ADGRV1: variants seen among roughly 807,000 people sequenced by gnomAD.
ADGRV1 encodes the protein G-protein coupled receptor 98.
A neutral mutation model predicts 596.2 loss-of-function variants in ADGRV1; 359 were observed. That is an observed-to-expected ratio of 0.60 (90% CI 0.55 to 0.66). The LOEUF (loss-of-function observed/expected upper bound fraction) is 0.66, where lower values mean the gene tolerates loss of function less well. Ranked by LOEUF, ADGRV1 falls within the 30% of genes least tolerant of loss-of-function variation. ADGRV1 has a pLI of 0.00. For missense variants in ADGRV1, 7,274 were observed against 7,575.6 expected (o/e 0.96, Z 1.48); for synonymous variants, 2,681 against 2,679.2 (o/e 1.00, Z -0.02).
At chr5:91,032,907 T>C (rs1486448891) in intron 85 of ADGRV1, among the ~76,000 whole-genome samples, 17 of 152,234 alleles carry the variant, frequency 1.1e-4, no homozygotes, top group Admixed American at 1.1e-3. Flanking sequence ...CTTTCTGTTC[T>C]GCTGTGGCAT....
chr5:90,694,396 T>C lies in ADGRV1; in HGVS notation c.7640T>C (p.Leu2547Pro), dbSNP rs1322659485. 6.2e-7 allele frequency: 1 copy of C among 1,614,008 alleles called. No homozygotes were observed. Among genetic ancestry groups the C allele is most frequent in the South Asian group, 1.1e-5 (1 of 91,084 alleles). The part of the protein sequence containing the change: ...SFLISLLEVH[L>P]MNISASLKNQ... ...CTAATTTCTCTCCTTGAAGTTCACC[T>C]CATGAACATTTCAGCCAGTTTGAAA... Residue 2547 changes from leucine to proline, a missense_variant, in exon 33 of 90, where the codon CTC becomes CCC. Leu to Pro is a moderately conservative substitution (Grantham distance 98). Coordinates refer to ENST00000405460, the MANE Select transcript of ADGRV1 (RefSeq NM_032119.4).
intron 64 of ADGRV1, chr5:90,781,072 A>C: frequency 4.1e-6 from 1 of 244,394 alleles, no homozygotes. Flanking sequence ...CTCTGAGTGC[A>C]CTAGGTCTAT....
At chr5:90,712,686 G>A (rs1749529170) in intron 42 of ADGRV1, among the ~76,000 whole-genome samples, 1 of 152,000 alleles carries the variant, frequency 6.6e-6, no homozygotes, top group Non-Finnish European at 1.5e-5. Context: ...GTTATTGTAG[G>A]ATTATTTAAT....
At chr5:90,846,421 A>C (rs1765881660) in intron 78 of ADGRV1, 1 of 159,550 alleles carries the variant, frequency 6.3e-6, no homozygotes, top group Non-Finnish European at 1.3e-5. Context: ...AAGTGGCTTC[A>C]CACCAATGCT....
chr5:91,004,380 T>C (rs945177155), intron 85 of ADGRV1, among the ~76,000 whole-genome samples: 3 of 152,002 alleles, frequency 2.0e-5, no homozygotes, highest in African/African-American at 7.2e-5. Flanking sequence ...TTATGAATCC[T>C]CAAAATCTAA....
chr5:90,800,812 T>G (rs908456241), intron 70 of ADGRV1, among the ~76,000 whole-genome samples: 3 of 151,982 alleles, frequency 2.0e-5, no homozygotes, highest in African/African-American at 7.3e-5. Context: ...CTCAGCAAAC[T>G]AACACAAGAA....
Position 90,805,313 on chromosome 5 carries a change from C to G in ADGRV1, c.14691C>G (p.Leu4897=). The stretch of plus-strand genomic sequence containing the variant: ...GATTTGAATCCACTGCTTTTCAACT[C>G]ATGAACATCACTGCTGGCACAAGCC... ...QVGFESTAFQ[L]MNITAGTSHV... The change falls in exon 72 of 90, where the codon CTC becomes CTG. Residue 4897 remains leucine, a synonymous_variant. Transcript: ENST00000405460. 6.2e-7 allele frequency: 1 copy of G among 1,612,792 alleles called. No homozygotes were observed. The highest frequency in any genetic ancestry group is 2.2e-5 in the East Asian group (1 of 44,858).
intron 75 of ADGRV1, among the ~76,000 whole-genome samples, chr5:90,820,283 A>G (rs1179629642): frequency 6.9e-6 from 1 of 144,442 alleles, no homozygotes; most frequent in Non-Finnish European, 1.5e-5. Context: ...ATCTTCCTCC[A>G]TCCTTTTATT....
At position 90,810,694 on chromosome 5, in the gene ADGRV1, C is replaced by T; in HGVS notation, c.15434C>T (p.Ala5145Val). ...ISFPETTVAV[A>V]VDTTLIPVET... ...TTCCCCGAGACAACTGTGGCTGTAG[C>T]AGTTGACACAACTCTCATTCCTGTA... The change falls in exon 74 of 90, where the codon GCA becomes GTA. Residue 5145 changes from alanine to valine, a missense_variant. Physicochemically the swap from Ala to Val is moderately conservative, Grantham distance 64. Coordinates refer to ENST00000405460, the MANE Select transcript of ADGRV1 (RefSeq NM_032119.4). The T allele has an allele frequency of 6.2e-7, 1 of 1,613,870 alleles. No individual in the cohort carries two copies. The highest frequency in any genetic ancestry group is 1.3e-5 in the African/African-American group (1 of 74,990).
chr5:90,575,770 T>G lies in ADGRV1; in HGVS notation c.22+16853T>G, dbSNP rs539773029. ...ACTGTTCGGATTATTCCCAGAGGGCTTACATGGGGGCGGGTCATCCTGGTG... is the reference window on the plus strand; with the variant it reads ...ACTGTTCGGATTATTCCCAGAGGGCGTACATGGGGGCGGGTCATCCTGGTG... On this transcript the variant is annotated intron_variant, in intron 1 of 89. Coordinates refer to ENST00000405460, the MANE Select transcript of ADGRV1 (RefSeq NM_032119.4). Among the ~76,000 whole-genome samples the G allele has an allele frequency of 2.0e-5, 3 of 152,196 alleles. No homozygotes were observed. In the South Asian group the frequency reaches 6.2e-4, roughly 32 times the overall value.
chr5:90,645,532 A>G (rs113186992), intron 15 of ADGRV1, among the ~76,000 whole-genome samples: 133 of 152,322 alleles, frequency 8.7e-4, no homozygotes, highest in Non-Finnish European at 1.7e-3. Flanking sequence ...CCATGCAGTT[A>G]AAACTTCAGT....
At chr5:91,085,067 C>T (rs913728371) in intron 86 of ADGRV1, among the ~76,000 whole-genome samples, 27 of 151,976 alleles carry the variant, frequency 1.8e-4, no homozygotes, top group Non-Finnish European at 3.1e-4. Flanking sequence ...CATCACACAC[C>T]GGGGCCTGTC....
intron 77 of ADGRV1, among the ~76,000 whole-genome samples, chr5:90,836,802 A>C (rs1370856066): frequency 6.6e-6 from 1 of 152,218 alleles, no homozygotes; most frequent in African/African-American, 2.4e-5. Flanking sequence ...TCAGAATAAA[A>C]GTTTAAACAA....
At chr5:90,816,327 T>A (rs1762886101) in intron 75 of ADGRV1, among the ~76,000 whole-genome samples, 1 of 151,838 alleles carries the variant, frequency 6.6e-6, no homozygotes, top group Non-Finnish European at 1.5e-5. Flanking sequence ...CATTTTCACA[T>A]TTTTTGGACA....
chr5:90,786,363 A>C (rs546090202), intron 67 of ADGRV1, among the ~76,000 whole-genome samples: 113 of 152,342 alleles, frequency 7.4e-4, no homozygotes, highest in Middle Eastern at 6.8e-3. Context: ...TCAAACCTGC[A>C]CGTTGTGCAC....
rs185628015 is a variant in ADGRV1, at chr5:91,153,057, A to G, written c.18625-164A>G. ...TAGTGAGACTCCATCTCTAGAAAAA[A>G]TAAATTTATAAATAAGTAAAGGTCT... On this transcript the variant is annotated intron_variant, in intron 88 of 89. Coordinates refer to ENST00000405460, the MANE Select transcript of ADGRV1 (RefSeq NM_032119.4). Among the ~76,000 whole-genome samples the G allele has an allele frequency of 4.6e-5, 7 of 152,328 alleles. No individual in the cohort carries two copies. The East Asian group carries it at 9.6e-4, about 21-fold the overall frequency.
rs536186086 is a variant in ADGRV1, at chr5:90,902,438, C to A, written c.17856+38581C>A. On this transcript the variant is annotated intron_variant, in intron 83 of 89. Coordinates refer to ENST00000405460, the MANE Select transcript of ADGRV1 (RefSeq NM_032119.4). ...AAGGAAGGGTTTCCATTAGCTATTCCGTTCTCAACCAAGTTACATATGTTG... is the reference window on the plus strand; with the variant it reads ...AAGGAAGGGTTTCCATTAGCTATTCAGTTCTCAACCAAGTTACATATGTTG... 2.6e-5 allele frequency among the ~76,000 whole-genome samples: 4 copies of A among 152,202 alleles called. No homozygotes were observed. In the East Asian group the frequency reaches 7.7e-4, roughly 29 times the overall value.
intron 83 of ADGRV1, among the ~76,000 whole-genome samples, chr5:90,942,891 A>G (rs1208881658): frequency 6.6e-6 from 1 of 152,180 alleles, no homozygotes; most frequent in Non-Finnish European, 1.5e-5. Context: ...TGAATACTTT[A>G]GGAAGGTTAT....
chr5:90,639,135 T>C lies in ADGRV1; in HGVS notation c.2240+1187T>C, dbSNP rs761342136. Among the ~76,000 whole-genome samples, 12 of 151,774 alleles carry C rather than the reference T, an allele frequency of 7.9e-5. 1 individual carries two copies. Among genetic ancestry groups the C allele is most frequent in the Admixed American group, 2.6e-4 (4 of 15,198 alleles). On this transcript the variant is annotated intron_variant, in intron 11 of 89. Coordinates refer to ENST00000405460, the MANE Select transcript of ADGRV1 (RefSeq NM_032119.4). ...ACACACACAGAGTCTAGATGACTTA[T>C]GGTTTTAATATATGTTTCAGACTCG... is the stretch of plus-strand genomic sequence containing the variant.
Sources: gnomAD v4.1 joint callset for allele counts (sites outside exome capture counted in the v4.1 genomes callset) on GRCh38, gnomAD v4.1.1 for gene constraint, MANE v1.5 for transcripts, NCBI Gene and HGNC (gene_info 2026-07-23, HGNC 2026-07-21) for gene names.